Variants in ANO4 observed in about 807,000 individuals in gnomAD.
ANO4 encodes anoctamin 4.
In ANO4, 69 loss-of-function variants were observed where a neutral mutation model predicts 141.9. The ratio of observed to expected loss-of-function variants is 0.49; its 90% CI spans 0.40 to 0.59. ANO4 has a LOEUF of 0.59. ANO4 is among the 20% of genes least tolerant of loss of function. The pLI, the probability that ANO4 is intolerant of heterozygous loss-of-function variation, is 0.00. For missense variants in ANO4, 894 were observed against 1,162.2 expected, an observed-to-expected ratio of 0.77 and a Z score of 3.36; for synonymous variants, 350 against 394.3, an observed-to-expected ratio of 0.89 and a Z score of 1.33.
At chr12:100,769,140 C>T (rs886130547) in intron 3 of ANO4, among the ~76,000 whole-genome samples, 5 of 152,162 alleles carry the variant, frequency 3.3e-5, no homozygotes, top group African/African-American at 1.2e-4. Context: ...CATATTTTGT[C>T]ACAGGAGGAT....
At position 100,901,588 on chromosome 12, in the gene ANO4, G is replaced by A. The variant is rs886668841; in HGVS notation, c.-140-58G>A. ...CTGGACTTCATATGAGAGCGTAACA[G>A]CCTTTTAGCCATTCTGAAGTGACTT... On this transcript the variant is annotated intron_variant, in intron 1 of 27. Coordinates refer to ENST00000392977, the MANE Select transcript of ANO4 (RefSeq NM_001286615.2). The A allele has an allele frequency of 7.8e-6, 5 of 641,682 alleles. No homozygotes were observed. In the African/African-American group the frequency reaches 9.1e-5, roughly 12 times the overall value. 39.7% of individuals were successfully genotyped at this position (641,682 alleles called of 1,614,324 possible).
chr12:100,806,015 T>C lies in ANO4; in HGVS notation c.-141+10988T>C, dbSNP rs115967178. ...AAATATGATCAATGTTCTTTTTCTC[T>C]GTTGCCATTCGGGAGGATTTAGGGA... On this transcript the variant is annotated intron_variant, in intron 1 of 27. Transcript: ENST00000392977. Among the ~76,000 whole-genome samples, 284 of 152,270 alleles carry C rather than the reference T, an allele frequency of 1.9e-3. 1 individual carries two copies. The highest frequency in any genetic ancestry group is 6.4e-3 in the African/African-American group (265 of 41,556).
chr12:100,785,165 T>G (rs187612731), intron 3 of ANO4, among the ~76,000 whole-genome samples: 1 of 152,278 alleles, frequency 6.6e-6, no homozygotes, highest in Non-Finnish European at 1.5e-5. Context: ...GCCTCCCACA[T>G]ATGCATAGCT....
rs771894932 is a variant in ANO4, at chr12:101,040,019, A to G, written c.962A>G (p.Tyr321Cys). 7 of 1,613,598 alleles carry G rather than the reference A, an allele frequency of 4.3e-6. No homozygotes were observed. Among genetic ancestry groups the G allele is most frequent in the Middle Eastern group, 1.7e-4 (1 of 6,056 alleles). The change falls in exon 11 of 28, where the codon TAT (tyrosine) becomes TGT (cysteine). Residue 321 changes from tyrosine to cysteine, a missense_variant. Tyr to Cys is a radical substitution (Grantham distance 194). This residue lies in a region of ANO4 where 637 missense variants were observed against 909.2 expected (regional missense o/e 0.70). Transcript: ENST00000392977. The stretch of plus-strand genomic sequence containing the variant: ...GCAGAAAACCACCGACATCTACTCT[A>G]TGAGTGCTGGGCCTCCTGGGGCGTG... ...HGAENHRHLL[Y>C]ECWASWGVWY...
At chr12:100,737,908 T>G (rs2031682961) in intron 2 of ANO4, among the ~76,000 whole-genome samples, 1 of 152,072 alleles carries the variant, frequency 6.6e-6, no homozygotes, top group Admixed American at 6.6e-5. Flanking sequence ...ATGTGTGGAT[T>G]TCCTAGTAAT....
intron 14 of ANO4, among the ~76,000 whole-genome samples, chr12:101,077,843 T>C (rs2049081410): frequency 6.6e-6 from 1 of 152,216 alleles, no homozygotes; most frequent in Non-Finnish European, 1.5e-5. Context: ...TAGAGCATTT[T>C]GAATTTTCGC....
chr12:100,960,658 T>C (rs9805124), intron 5 of ANO4, among the ~76,000 whole-genome samples: 41,072 of 151,878 alleles, frequency 0.27, 5,660 homozygotes, highest in Middle Eastern at 0.39. Context: ...TTAAATTGCT[T>C]CCTCACTAGC....
intron 8 of ANO4, among the ~76,000 whole-genome samples, chr12:101,001,167 G>A (rs10860673): frequency 0.094 from 14,364 of 152,212 alleles, 789 homozygotes; most frequent in Middle Eastern, 0.18. Context: ...ACACCTATAG[G>A]AAAGGGAAAG....
intron 3 of ANO4, among the ~76,000 whole-genome samples, chr12:100,931,676 C>CACT (rs2042092525): frequency 6.6e-6 from 1 of 152,124 alleles, no homozygotes; most frequent in African/African-American, 2.4e-5. Flanking sequence ...TCTCCTTTCC[C>CACT]ACTTCCTTCA....
chr12:100,847,077 A>G (rs959061623), intron 1 of ANO4, among the ~76,000 whole-genome samples: 1 of 152,160 alleles, frequency 6.6e-6, no homozygotes, highest in African/African-American at 2.4e-5. Flanking sequence ...CTCCATTCAC[A>G]GCACTTTACC....
At chr12:100,744,374 C>A (rs1283236674) in intron 3 of ANO4, among the ~76,000 whole-genome samples, 2 of 152,136 alleles carry the variant, frequency 1.3e-5, no homozygotes, top group African/African-American at 4.8e-5. Flanking sequence ...AGGGCACTGA[C>A]CGATTTGGCG....
chr12:100,838,067 G>C lies in ANO4; in HGVS notation c.-141+43040G>C, dbSNP rs1396144148. On this transcript the variant is annotated intron_variant, in intron 1 of 27. Transcript: ENST00000392977. Reference sequence around the variant, plus strand: ...TGGTAGGGGGCATAGTGGACTTGCTGATCCTTGTGATTATTGAGTATGAAT... The same window carrying C: ...TGGTAGGGGGCATAGTGGACTTGCTCATCCTTGTGATTATTGAGTATGAAT... 2.6e-5 allele frequency among the ~76,000 whole-genome samples: 4 copies of C among 151,960 alleles called. No homozygotes were observed. In the East Asian group the frequency reaches 7.7e-4, roughly 29 times the overall value.
At chr12:100,788,539 G>A (rs1314927353) in intron 3 of ANO4, among the ~76,000 whole-genome samples, 1 of 152,100 alleles carries the variant, frequency 6.6e-6, no homozygotes, top group Admixed American at 6.5e-5. Flanking sequence ...AAACTTGAAC[G>A]TTGTTATACT....
chr12:100,917,570 T>C (rs1593752347), intron 2 of ANO4, among the ~76,000 whole-genome samples: 2 of 152,344 alleles, frequency 1.3e-5, no homozygotes, highest in African/African-American at 4.8e-5. Context: ...CACTATAAGT[T>C]AAAGGTGGAG....
chr12:100,758,637 G>C (rs1375600050), intron 3 of ANO4, among the ~76,000 whole-genome samples: 1 of 152,078 alleles, frequency 6.6e-6, no homozygotes, highest in Middle Eastern at 3.2e-3. Flanking sequence ...TGTTCATATT[G>C]ACCCTGTAAA....
At chr12:101,061,972 G>T (rs1225018039) in intron 14 of ANO4, among the ~76,000 whole-genome samples, 1 of 152,010 alleles carries the variant, frequency 6.6e-6, no homozygotes, top group African/African-American at 2.4e-5. Flanking sequence ...TCTGGTTTTT[G>T]GAATTTTCAG....
At chr12:100,826,273 T>C (rs2036332936) in intron 1 of ANO4, among the ~76,000 whole-genome samples, 2 of 128,942 alleles carry the variant, frequency 1.6e-5, no homozygotes, top group Non-Finnish European at 1.6e-5. Flanking sequence ...TAAATAAATA[T>C]GTTTGAAGAT....
At chr12:100,853,466 C>T (rs945743550) in intron 1 of ANO4, among the ~76,000 whole-genome samples, 1 of 152,016 alleles carries the variant, frequency 6.6e-6, no homozygotes, top group Non-Finnish European at 1.5e-5. Context: ...GTAATATTAC[C>T]TTTGCCCTAA....
chr12:100,901,454 A>T (rs769495835), intron 1 of ANO4, among the ~76,000 whole-genome samples, 192 bp from the exon 2 acceptor site: 1 of 152,184 alleles, frequency 6.6e-6, no homozygotes, highest in Non-Finnish European at 1.5e-5. Context: ...GAATTTTCAG[A>T]TTTGACTGAT....
Sources: allele counts gnomAD v4.1 joint callset (sites outside exome capture counted in the v4.1 genomes callset), GRCh38; gene constraint gnomAD v4.1.1; regional missense constraint gnomAD v4.1.1; transcripts MANE v1.5; gene names NCBI Gene and HGNC (gene_info 2026-07-23, HGNC 2026-07-21).